The following ZPLD1 variants were observed in gnomAD, a reference collection of about 807,000 sequenced individuals.
The protein encoded by ZPLD1 is zona pellucida like domain containing 1.
Under a neutral mutation model 47.2 loss-of-function variants are expected in ZPLD1, and 34 were observed. That is an observed-to-expected ratio of 0.72 (90% confidence interval 0.55 to 0.96). The LOEUF is 0.96. Among genes scored for constraint, ZPLD1 ranks in the 40% least tolerant of loss-of-function variants. The pLI, the probability that ZPLD1 is intolerant of heterozygous loss-of-function variation, is 0.00. For missense variants in ZPLD1, 512 were observed against 505.8 expected, an observed-to-expected ratio of 1.01 and a Z score of -0.12; for synonymous variants, 176 against 186.2, an observed-to-expected ratio of 0.95 and a Z score of 0.45.
At chr3:102,473,007 A>G (rs1429893442) in intron 10 of ZPLD1, among the ~76,000 whole-genome samples, 1 of 152,188 alleles carries the variant, frequency 6.6e-6, no homozygotes, top group Non-Finnish European at 1.5e-5. Flanking sequence ...GCAAAGTCGT[A>G]TCTTAAATGG....
upstream of ZPLD1, among the ~76,000 whole-genome samples, chr3:102,431,656 C>T (rs1330285091): frequency 3.9e-5 from 6 of 152,128 alleles, no homozygotes; most frequent in Non-Finnish European, 1.5e-5. Flanking sequence ...TGCCTGTAAT[C>T]CCAGAATTTT....
chr3:102,389,686 T>C (rs1706474001), intron 6 of ZPLD1, among the ~76,000 whole-genome samples: 2 of 152,184 alleles, frequency 1.3e-5, no homozygotes, highest in African/African-American at 4.8e-5. Flanking sequence ...TTAACGTGGT[T>C]CATTTATATA....
chr3:102,417,881 A>AG (rs1249358384), intron 7 of ZPLD1, among the ~76,000 whole-genome samples: 1 of 151,902 alleles, frequency 6.6e-6, no homozygotes, highest in African/African-American at 2.4e-5. Context: ...AAACGCAGGT[A>AG]GGGGAAAAAA....
intron 8 of ZPLD1, among the ~76,000 whole-genome samples, chr3:102,420,406 T>C (rs1018189191): frequency 6.6e-6 from 1 of 151,948 alleles, no homozygotes; most frequent in Admixed American, 6.6e-5. Context: ...AGCAAACTTT[T>C]CCGTAAAGGG....
At chr3:102,391,251 A>G (rs1456872659) in intron 6 of ZPLD1, among the ~76,000 whole-genome samples, 1 of 152,180 alleles carries the variant, frequency 6.6e-6, no homozygotes, top group African/African-American at 2.4e-5. Flanking sequence ...CTATAAAAGT[A>G]TACTTTATCT....
chr3:102,445,037 G>A (rs903318070), intron 3 of ZPLD1, among the ~76,000 whole-genome samples: 7 of 152,172 alleles, frequency 4.6e-5, no homozygotes, highest in African/African-American at 1.4e-4. Flanking sequence ...TGACCACAGT[G>A]CTACAGGCAC....
chr3:102,475,603 C>T (rs907686990), intron 10 of ZPLD1, among the ~76,000 whole-genome samples: 3 of 152,142 alleles, frequency 2.0e-5, no homozygotes, highest in African/African-American at 4.8e-5. Context: ...ATTCATCCCA[C>T]CTGTTTCCAT....
chr3:102,411,090 G>C (rs1362833824), intron 7 of ZPLD1, among the ~76,000 whole-genome samples: 1 of 151,758 alleles, frequency 6.6e-6, no homozygotes, highest in East Asian at 1.9e-4. Flanking sequence ...ATCCCCAGCT[G>C]TGTTCATTGT....
intron 3 of ZPLD1, among the ~76,000 whole-genome samples, chr3:102,440,580 G>A (rs898407630): frequency 2.0e-5 from 3 of 152,082 alleles, no homozygotes; most frequent in Non-Finnish European, 4.4e-5. Flanking sequence ...TTCAGTAGTA[G>A]GAAATACAGA....
chr3:102,455,586 G>A (rs913644150), intron 4 of ZPLD1, among the ~76,000 whole-genome samples: 9 of 152,126 alleles, frequency 5.9e-5, no homozygotes, highest in Non-Finnish European at 2.9e-5. Context: ...AATGCTGATC[G>A]CTGTGCTATG....
chr3:102,460,732 AG>A (rs1286671796), intron 6 of ZPLD1, among the ~76,000 whole-genome samples: 1 of 152,018 alleles, frequency 6.6e-6, no homozygotes, highest in African/African-American at 2.4e-5. Flanking sequence ...CAATTCCAGT[AG>A]GAAAAAATTG....
chr3:102,391,760 T>C (rs565257700), intron 6 of ZPLD1, among the ~76,000 whole-genome samples: 41 of 151,976 alleles, frequency 2.7e-4, no homozygotes, highest in Admixed American at 2.3e-3. Context: ...GCAAAATAAG[T>C]GATTATAATT....
intron 11 of ZPLD1, 26 bp downstream of exon 11, chr3:102,477,067 T>C (rs767620936): frequency 6.2e-7 from 1 of 1,612,720 alleles, no homozygotes; most frequent in Non-Finnish European, 8.5e-7. Context: ...TATTTTGCAA[T>C]GTTTTTTACA....
intron 8 of ZPLD1, among the ~76,000 whole-genome samples, chr3:102,422,454 G>A (rs1053331111): frequency 1.3e-5 from 2 of 152,058 alleles, no homozygotes; most frequent in African/African-American, 4.8e-5. Flanking sequence ...CATCAATAGT[G>A]CCAGCTTTGA....
chr3:102,462,505 G>A (rs982873374), intron 7 of ZPLD1, 127 bp downstream of exon 7: 8 of 566,178 alleles, frequency 1.4e-5, no homozygotes, highest in Non-Finnish European at 2.1e-5. Context: ...CACCATTTAG[G>A]CATGCTACTA....
At chr3:102,398,174 T>C (rs1235681832) in intron 7 of ZPLD1, among the ~76,000 whole-genome samples, 1 of 151,862 alleles carries the variant, frequency 6.6e-6, no homozygotes, top group Admixed American at 6.6e-5. Flanking sequence ...AGGAAGGGGA[T>C]TTTTTTTGAA....
chr3:102,470,323 C>A, intron 9 of ZPLD1, 71 bp from the exon 10 acceptor site: 1 of 1,168,170 alleles, frequency 8.6e-7, no homozygotes, highest in Non-Finnish European at 1.3e-6. Context: ...AAAGAATCTG[C>A]TTTCCAAATG....
At chr3:102,451,795 T>C (rs1379203947) in intron 3 of ZPLD1, among the ~76,000 whole-genome samples, 4 of 152,176 alleles carry the variant, frequency 2.6e-5, no homozygotes, top group Non-Finnish European at 5.9e-5. Flanking sequence ...TCTCCCCGTG[T>C]CTCTGTCTCT....
intron 11 of ZPLD1, 147 bp from the exon 12 acceptor site, chr3:102,477,296 T>G (rs1707772669): frequency 1.1e-5 from 11 of 1,007,594 alleles, no homozygotes; most frequent in Non-Finnish European, 8.8e-6. Context: ...TGGGTTGAAT[T>G]ACAGTCAAAT....
Sources: gnomAD v4.1 joint callset for allele counts (sites outside exome capture counted in the v4.1 genomes callset) on GRCh38, gnomAD v4.1.1 for gene constraint, MANE v1.5 for transcripts, NCBI Gene and HGNC (gene_info 2026-07-23, HGNC 2026-07-21) for gene names.